Variants in TNIK observed in about 807,000 individuals in gnomAD.
The protein encoded by TNIK is TRAF2 and NCK interacting kinase.
Under a neutral mutation model 191.3 loss-of-function variants are expected in TNIK, and 49 were observed. The observed-to-expected ratio is 0.26, with a 90% CI of 0.20 to 0.32. TNIK has a LOEUF of 0.32. TNIK is among the 10% of genes least tolerant of loss of function. TNIK has a pLI of 1.00. For synonymous variants in TNIK, 594 were observed against 600.9 expected (o/e 0.99, Z 0.17); for missense variants, 1,155 against 1,702.3 (o/e 0.68, Z 5.66).
chr3:171,150,029 G>A (rs1258916486), intron 12 of TNIK, among the ~76,000 whole-genome samples: 1 of 152,110 alleles, frequency 6.6e-6, no homozygotes, highest in African/African-American at 2.4e-5. Flanking sequence ...CTTGGGGCCT[G>A]GGAGTGTGGT....
At chr3:171,164,542 T>C (rs1285205452) in intron 10 of TNIK, among the ~76,000 whole-genome samples, 1 of 152,204 alleles carries the variant, frequency 6.6e-6, no homozygotes, top group Non-Finnish European at 1.5e-5. Context: ...ATTTTAAAGA[T>C]GAGAAAACTG....
intron 2 of TNIK, among the ~76,000 whole-genome samples, chr3:171,326,393 G>A (rs1013016432): frequency 3.3e-5 from 5 of 151,998 alleles, no homozygotes; most frequent in Admixed American, 6.5e-5. Context: ...AACCTAAAAC[G>A]ACAGAAGCGT....
intron 1 of TNIK, among the ~76,000 whole-genome samples, chr3:171,392,778 C>CAAAAAAAAAA (rs60306915): frequency 5.3e-5 from 5 of 95,220 alleles, no homozygotes; most frequent in African/African-American, 8.0e-5. Flanking sequence ...GATTCTGTCT[C>CAAAAAAAAAA]AAAAAAAAAA....
At chr3:171,392,582 C>G (rs1313500211) in intron 1 of TNIK, among the ~76,000 whole-genome samples, 1 of 151,912 alleles carries the variant, frequency 6.6e-6, no homozygotes, top group Non-Finnish European at 1.5e-5. Context: ...GAGTTCGTGA[C>G]CAGCCTGGCC....
intron 25 of TNIK, 109 bp downstream of exon 25, chr3:171,085,009 C>A: frequency 1.3e-6 from 1 of 756,544 alleles, no homozygotes; most frequent in South Asian, 2.6e-5. Context: ...TAAGATAGGA[C>A]CTAAGCAGTA....
At chr3:171,269,867 ATTC>A (rs1447053038) in intron 2 of TNIK, among the ~76,000 whole-genome samples, 1 of 152,200 alleles carries the variant, frequency 6.6e-6, no homozygotes, top group African/African-American at 2.4e-5. Flanking sequence ...TACTAAGGCA[ATTC>A]TTCTAAGGCA....
chr3:171,115,213 GCT>G (rs1726488910), intron 18 of TNIK, among the ~76,000 whole-genome samples: 1 of 152,208 alleles, frequency 6.6e-6, no homozygotes, highest in South Asian at 2.1e-4. Flanking sequence ...GGTGATAAAT[GCT>G]CTGAGTTTTC....
chr3:171,348,930 G>A (rs564131998), intron 2 of TNIK, among the ~76,000 whole-genome samples: 142 of 151,704 alleles, frequency 9.4e-4, no homozygotes, highest in Non-Finnish European at 1.5e-3. Flanking sequence ...TCTCATTTAC[G>A]GTAGCAACGA....
intron 18 of TNIK, among the ~76,000 whole-genome samples, chr3:171,117,982 G>C (rs1727024874): frequency 1.3e-5 from 2 of 151,910 alleles, no homozygotes; most frequent in South Asian, 4.2e-4. Context: ...AAAAAAATTA[G>C]GATAAGAGGA....
At chr3:171,206,531 A>G (rs1311206543) in intron 4 of TNIK, among the ~76,000 whole-genome samples, 1 of 151,952 alleles carries the variant, frequency 6.6e-6, no homozygotes, top group African/African-American at 2.4e-5. Context: ...AGATGCCAGC[A>G]GGTGTGCTGC....
chr3:171,175,230 A>C (rs759809613), intron 9 of TNIK, 22 bp downstream of exon 9: 28 of 1,608,230 alleles, frequency 1.7e-5, no homozygotes, highest in Non-Finnish European at 2.4e-5. Flanking sequence ...TAGATCTGCG[A>C]AACATCGAAG....
Position 171,137,108 on chromosome 3 carries a change from C to CTTTT in TNIK, c.1608+1079_1608+1082dup, listed in dbSNP as rs71176593. 2.7e-3 allele frequency among the ~76,000 whole-genome samples: 279 copies of CTTTT among 104,128 alleles called. 7 individuals carry two copies. Among genetic ancestry groups the CTTTT allele is most frequent in the African/African-American group, 9.1e-3 (240 of 26,370 alleles). 68.3% of individuals were successfully genotyped at this position (104,128 alleles called of 152,430 possible). ...AAGTACAAAAAAGTTTTTAAAAATCCTTTTTTTTTTTTTTTTTTTTTTTTT... is the reference window on the plus strand; with the variant it reads ...AAGTACAAAAAAGTTTTTAAAAATCCTTTTTTTTTTTTTTTTTTTTTTTTTTTTT... On this transcript the variant is annotated intron_variant, in intron 15 of 32. Transcript: ENST00000436636.
At chr3:171,119,248 A>G (rs1317945794) in intron 18 of TNIK, among the ~76,000 whole-genome samples, 1 of 152,214 alleles carries the variant, frequency 6.6e-6, no homozygotes, top group Non-Finnish European at 1.5e-5. Flanking sequence ...ATGAGATACC[A>G]TCTCACACCA....
chr3:171,290,342 C>T (rs557015341), intron 2 of TNIK, among the ~76,000 whole-genome samples: 101 of 152,224 alleles, frequency 6.6e-4, no homozygotes, highest in Middle Eastern at 3.4e-3. Context: ...TTGAATCCTA[C>T]CACCATCATT....
chr3:171,374,805 T>C (rs1286156759), intron 1 of TNIK, among the ~76,000 whole-genome samples: 1 of 152,216 alleles, frequency 6.6e-6, no homozygotes, highest in Non-Finnish European at 1.5e-5. Context: ...TCATGAGGAC[T>C]TATGTGTCAG....
At chr3:171,343,863 G>A (rs963593375) in intron 2 of TNIK, among the ~76,000 whole-genome samples, 2 of 152,186 alleles carry the variant, frequency 1.3e-5, no homozygotes, top group Admixed American at 6.6e-5. Flanking sequence ...GCATAAATGA[G>A]TTTAGATGCC....
chr3:171,169,665 T>C (rs1415431130), intron 9 of TNIK, among the ~76,000 whole-genome samples: 2 of 152,236 alleles, frequency 1.3e-5, no homozygotes, highest in African/African-American at 2.4e-5. Flanking sequence ...CCAGATTTAA[T>C]AGACTGTACA....
intron 9 of TNIK, among the ~76,000 whole-genome samples, chr3:171,169,362 C>T (rs6444968): frequency 4.0e-5 from 6 of 151,722 alleles, no homozygotes; most frequent in East Asian, 3.9e-4. Context: ...CTGCCTCTCA[C>T]GTTCAAGTGA....
In TNIK at chr3:171,124,386, G is replaced by A. The variant is rs75897592; in HGVS notation, c.2014-684C>T. 8.7e-3 allele frequency among the ~76,000 whole-genome samples: 1,319 copies of A among 152,226 alleles called. 17 individuals carry two copies. The highest frequency in any genetic ancestry group is 0.031 in the East Asian group (160 of 5,186). ...AAATACTGGAAGGATCTTCAAAAAGGCTGTGTAAGTACCAATAAGACTTGA... is the reference window on the plus strand; with the variant it reads ...AAATACTGGAAGGATCTTCAAAAAGACTGTGTAAGTACCAATAAGACTTGA... On this transcript the variant is annotated intron_variant, in intron 17 of 32. Transcript: ENST00000436636.
Sources: gnomAD v4.1 joint callset for allele counts (sites outside exome capture counted in the v4.1 genomes callset) on GRCh38, gnomAD v4.1.1 for gene constraint, MANE v1.5 for transcripts, NCBI Gene and HGNC (gene_info 2026-07-23, HGNC 2026-07-21) for gene names.